Variants in RASAL2 observed in about 807,000 individuals in gnomAD.
The protein encoded by RASAL2 is ras GTPase-activating protein nGAP.
In RASAL2, 58 loss-of-function variants were observed where a neutral mutation model predicts 128.9. The ratio of observed to expected loss-of-function variants is 0.45; its 90% confidence interval spans 0.36 to 0.56. RASAL2 has a LOEUF of 0.56. Ranked by LOEUF, RASAL2 falls within the 20% of genes least tolerant of loss-of-function variation. RASAL2 has a pLI of 0.00. For missense variants in RASAL2, 1,360 were observed against 1,601.6 expected (o/e 0.85, Z 2.57); for synonymous variants, 561 against 580.8 (o/e 0.97, Z 0.49).
At chr1:178,211,399 A>G (rs553670820) in intron 1 of RASAL2, among the ~76,000 whole-genome samples, 1 of 152,278 alleles carries the variant, frequency 6.6e-6, no homozygotes, top group Non-Finnish European at 1.5e-5. Context: ...AAAAAAGCAC[A>G]AACATGATCA....
intron 2 of RASAL2, among the ~76,000 whole-genome samples, chr1:178,297,951 A>G (rs933233669): frequency 1.3e-5 from 2 of 152,188 alleles, no homozygotes; most frequent in Admixed American, 6.5e-5. Flanking sequence ...CTAAAACACC[A>G]TAAGAAACTA....
intron 1 of RASAL2, among the ~76,000 whole-genome samples, chr1:178,263,721 C>T (rs1207937878): frequency 2.6e-5 from 4 of 151,688 alleles, no homozygotes; most frequent in African/African-American, 9.7e-5. Context: ...TCTCTAAAAT[C>T]GTTTAAAAAA....
intron 16 of RASAL2, 95 bp downstream of exon 16, chr1:178,466,217 T>G: frequency 8.0e-7 from 1 of 1,245,664 alleles, no homozygotes; most frequent in Non-Finnish European, 1.1e-6. Context: ...CAAAAGCCAT[T>G]TTTATCCTTG....
intron 9 of RASAL2, among the ~76,000 whole-genome samples, chr1:178,446,232 T>G (rs1211286454): frequency 2.6e-5 from 4 of 152,232 alleles, no homozygotes; most frequent in African/African-American, 9.6e-5. Context: ...TAAGGTACTG[T>G]GCTGGTCACT....
Position 178,138,023 on chromosome 1 carries a change from C to T in RASAL2, c.202+43329C>T, listed in dbSNP as rs74128860. On this transcript the variant is annotated intron_variant, in intron 1 of 17. Coordinates refer to ENST00000367649, the MANE Select transcript of RASAL2 (RefSeq NM_170692.4). ...GAAACAGAGATGCTCTCACTTCTTT[C>T]CTGCTCAGTGCTTTCCAGAAGCTGT... 5.5e-3 allele frequency among the ~76,000 whole-genome samples: 844 copies of T among 152,288 alleles called. 11 individuals are homozygous for T. Among genetic ancestry groups the T allele is most frequent in the African/African-American group, 0.019 (791 of 41,570 alleles).
chr1:178,358,237 T>TTAAAAAAA (rs1176010811), intron 3 of RASAL2, among the ~76,000 whole-genome samples: 3 of 34,770 alleles, frequency 8.6e-5, no homozygotes, highest in African/African-American at 2.0e-4. Flanking sequence ...CTCTGTCTCC[T>TTAAAAAAA]AAAAAAAAAA....
intron 1 of RASAL2, among the ~76,000 whole-genome samples, chr1:178,272,532 GTTCA>G (rs1666309769): frequency 6.6e-6 from 1 of 151,360 alleles, no homozygotes; most frequent in Admixed American, 6.6e-5. Flanking sequence ...TCTTCCTTAT[GTTCA>G]TTCTTTTTAT....
rs951275132 is a variant in RASAL2, at chr1:178,094,449, C to G, written c.-44C>G. On this transcript the variant is annotated 5_prime_UTR_variant, in exon 1 of 18. Transcript: ENST00000367649. ...CAGGGCGCGGAGCCGCGCGCCAGCC[C>G]GCCCCGAAGCCGCCGCCTCGTCCCC... is the stretch of plus-strand genomic sequence containing the variant. The G allele has an allele frequency of 6.7e-7, 1 of 1,490,386 alleles. No individual in the cohort carries two copies. The highest frequency in any genetic ancestry group is 1.4e-5 in the African/African-American group (1 of 71,526). The allele number at this position is 1,490,386 out of a possible 1,614,324, so 92.3% of individuals were successfully genotyped here.
intron 3 of RASAL2, among the ~76,000 whole-genome samples, chr1:178,368,837 T>C (rs956777234): frequency 2.6e-5 from 4 of 151,990 alleles, no homozygotes; most frequent in African/African-American, 7.3e-5. Context: ...GGGGTCTCAC[T>C]ATGTTGCCCA....
At chr1:178,411,122 A>G (rs535184641) in intron 4 of RASAL2, among the ~76,000 whole-genome samples, 1 of 151,526 alleles carries the variant, frequency 6.6e-6, no homozygotes, top group East Asian at 2.0e-4. Context: ...CTAAATGCCT[A>G]TCAACTAATG....
chr1:178,254,334 T>A (rs1665213072), intron 1 of RASAL2, among the ~76,000 whole-genome samples: 1 of 152,216 alleles, frequency 6.6e-6, no homozygotes, highest in Non-Finnish European at 1.5e-5. Flanking sequence ...ATTTTGTACG[T>A]TTCATATATC....
intron 1 of RASAL2, among the ~76,000 whole-genome samples, chr1:178,122,199 C>G (rs760198814): frequency 6.6e-6 from 1 of 152,134 alleles, no homozygotes; most frequent in Non-Finnish European, 1.5e-5. Flanking sequence ...ATGAAATGTG[C>G]ATTAAAATCG....
chr1:178,192,686 A>G (rs1472852423), intron 1 of RASAL2, among the ~76,000 whole-genome samples: 2 of 152,224 alleles, frequency 1.3e-5, no homozygotes, highest in African/African-American at 4.8e-5. Flanking sequence ...AGGGAAGAAG[A>G]TGGTAAGCAA....
intron 1 of RASAL2, among the ~76,000 whole-genome samples, chr1:178,246,614 G>A (rs556590901): frequency 5.3e-5 from 8 of 152,178 alleles, no homozygotes; most frequent in Admixed American, 1.3e-4. Context: ...TTGAATCGGC[G>A]TGGTGAGAGA....
At chr1:178,278,514 A>T (rs78432550) in intron 1 of RASAL2, among the ~76,000 whole-genome samples, 1 of 152,144 alleles carries the variant, frequency 6.6e-6, no homozygotes. Flanking sequence ...TACCAATTGC[A>T]TTTAACATAT....
chr1:178,221,352 G>T (rs1310642584), intron 1 of RASAL2, among the ~76,000 whole-genome samples: 2 of 152,050 alleles, frequency 1.3e-5, no homozygotes, highest in Non-Finnish European at 2.9e-5. Context: ...TAAGGTAGAA[G>T]CTTCAGTTAT....
rs749217543 is a variant in RASAL2, at chr1:178,452,778, A to G, written c.2009+126A>G. 3.9e-5 allele frequency: 29 copies of G among 743,388 alleles called. No homozygotes were observed. In the East Asian group the frequency reaches 7.1e-4, roughly 18 times the overall value. 46.0% of individuals were successfully genotyped at this position (743,388 alleles called of 1,614,324 possible). On this transcript the variant is annotated intron_variant, in intron 11 of 17. Transcript: ENST00000367649. Reference sequence around the variant, plus strand: ...GATTTTCACTGTGTTATTAATAAATATAGCAAAAAAATGGAAACAACTTAA... The same window carrying G: ...GATTTTCACTGTGTTATTAATAAATGTAGCAAAAAAATGGAAACAACTTAA...
intron 4 of RASAL2, among the ~76,000 whole-genome samples, chr1:178,390,988 A>G (rs147519119): frequency 1.2e-4 from 19 of 152,216 alleles, no homozygotes; most frequent in African/African-American, 4.3e-4. Flanking sequence ...ACAATTGTGA[A>G]TTCTAATCCT....
At chr1:178,435,967 C>G (rs1404669672) in intron 5 of RASAL2, among the ~76,000 whole-genome samples, 2 of 152,084 alleles carry the variant, frequency 1.3e-5, no homozygotes, top group African/African-American at 2.4e-5. Flanking sequence ...AATCCACATT[C>G]TGCTTTCTGT....
Sources: gnomAD v4.1 joint callset for allele counts (sites outside exome capture counted in the v4.1 genomes callset) on GRCh38, gnomAD v4.1.1 for gene constraint, MANE v1.5 for transcripts, NCBI Gene and HGNC (gene_info 2026-07-23, HGNC 2026-07-21) for gene names.